The following PTPRO variants were observed in gnomAD, a reference collection of about 807,000 sequenced individuals.
PTPRO encodes the protein protein tyrosine phosphatase receptor type O, also known as receptor-type tyrosine-protein phosphatase O.
Under a neutral mutation model 145.2 loss-of-function variants are expected in PTPRO, and 62 were observed. The ratio of observed to expected loss-of-function variants is 0.43; its 90% confidence interval spans 0.35 to 0.53. PTPRO has a LOEUF of 0.53. Among genes scored for constraint, PTPRO ranks in the 20% least tolerant of loss-of-function variants. PTPRO has a pLI of 0.01. For synonymous variants in PTPRO, 565 were observed against 514.7 expected, an observed-to-expected ratio of 1.10 and a Z score of -1.32; for missense variants, 1,345 against 1,482.7, an observed-to-expected ratio of 0.91 and a Z score of 1.53.
At chr12:15,515,995 T>TG (rs1449190750) in intron 8 of PTPRO, among the ~76,000 whole-genome samples, 11 of 137,102 alleles carry the variant, frequency 8.0e-5, no homozygotes, top group African/African-American at 1.6e-4. Context: ...TTGTTTTGTT[T>TG]TTTTTTTTTT....
At chr12:15,431,266 G>A (rs555490190) in intron 1 of PTPRO, among the ~76,000 whole-genome samples, 148 of 152,300 alleles carry the variant, frequency 9.7e-4, no homozygotes, top group African/African-American at 3.1e-3. Context: ...ATGGACGTAG[G>A]TTTGAGAGAG....
At chr12:15,468,592 G>T (rs189545426) in intron 1 of PTPRO, among the ~76,000 whole-genome samples, 1 of 152,284 alleles carries the variant, frequency 6.6e-6, no homozygotes, top group East Asian at 1.9e-4. Flanking sequence ...CCTGCTAGGA[G>T]CTCCTTGATC....
intron 15 of PTPRO, among the ~76,000 whole-genome samples, chr12:15,552,385 A>G (rs779237702): frequency 1.3e-5 from 2 of 152,216 alleles, no homozygotes; most frequent in African/African-American, 4.8e-5. Flanking sequence ...GTTAACATTT[A>G]TATTTGCCCA....
intron 7 of PTPRO, among the ~76,000 whole-genome samples, chr12:15,514,794 C>T (rs1052937229): frequency 2.0e-5 from 3 of 151,700 alleles, no homozygotes; most frequent in Admixed American, 1.3e-4. Flanking sequence ...GAGCTTGTCT[C>T]ACTCTGTTGC....
intron 1 of PTPRO, among the ~76,000 whole-genome samples, chr12:15,461,108 G>A (rs1361375136): frequency 6.6e-6 from 1 of 152,088 alleles, no homozygotes; most frequent in African/African-American, 2.4e-5. Context: ...ACATTTTACA[G>A]CCCATTCTCT....
chr12:15,504,531 C>T (rs1450407797), intron 6 of PTPRO, among the ~76,000 whole-genome samples: 1 of 152,172 alleles, frequency 6.6e-6, no homozygotes, highest in Non-Finnish European at 1.5e-5. Context: ...TGGGAAAAGT[C>T]ATAGCTAGAG....
chr12:15,468,619 C>G (rs968496055), intron 1 of PTPRO, among the ~76,000 whole-genome samples: 1 of 152,194 alleles, frequency 6.6e-6, no homozygotes, highest in Non-Finnish European at 1.5e-5. Flanking sequence ...TATTTCTTAA[C>G]AATGCTTTTT....
intron 1 of PTPRO, among the ~76,000 whole-genome samples, chr12:15,473,768 C>CAAAAAAAAAAAAA (rs11340085): frequency 9.2e-5 from 6 of 65,570 alleles, no homozygotes; most frequent in African/African-American, 3.0e-4. Flanking sequence ...GACTCCATCT[C>CAAAAAAAAAAAAA]AAAAAAAAAA....
At chr12:15,403,969 G>A (rs897210676) in intron 1 of PTPRO, among the ~76,000 whole-genome samples, 5 of 151,798 alleles carry the variant, frequency 3.3e-5, no homozygotes, top group Non-Finnish European at 4.4e-5. Context: ...AGGCCAAGGC[G>A]GGCAGATCAG....
At chr12:15,552,255 G>A (rs1182151598) in intron 15 of PTPRO, among the ~76,000 whole-genome samples, 5 of 152,178 alleles carry the variant, frequency 3.3e-5, no homozygotes, top group Admixed American at 3.3e-4. Flanking sequence ...GACCACTGAT[G>A]CATTGCTCAT....
At chr12:15,403,809 A>G (rs1031218328) in intron 1 of PTPRO, among the ~76,000 whole-genome samples, 13 of 150,912 alleles carry the variant, frequency 8.6e-5, no homozygotes, top group Non-Finnish European at 1.8e-4. Context: ...CTAATCACCG[A>G]ACATAGAATA....
chr12:15,533,986 A>G (rs941956085), intron 12 of PTPRO, among the ~76,000 whole-genome samples: 102 of 152,172 alleles, frequency 6.7e-4, no homozygotes, highest in Non-Finnish European at 2.4e-4. Context: ...CTAATGTGTC[A>G]TGTGCAAGGG....
rs144862328 is a variant in PTPRO, at chr12:15,515,584, T to G, written c.1551T>G (p.Ile517Met). The change falls in exon 8 of 27, where the codon ATT becomes ATG. Residue 517 changes from isoleucine (I) to methionine (M), a missense_variant. Physicochemically the swap from Ile to Met is conservative, Grantham distance 10 (BLOSUM62 1). Transcript: ENST00000281171. ...VVIYLRKGPL[I>M]GPPSDPVTFA... Reference sequence around the variant, plus strand: ...TATACCTAAGGAAAGGCCCTTTGATTGGACCACCTTCAGATCCTGTGACAT... The same window carrying G: ...TATACCTAAGGAAAGGCCCTTTGATGGGACCACCTTCAGATCCTGTGACAT... The G allele has an allele frequency of 1.9e-5, 31 of 1,613,962 alleles. No individual in the cohort carries two copies. The African/African-American group carries it at 4.1e-4, about 22-fold the overall frequency.
At chr12:15,573,729 A>G (rs949932662) in intron 19 of PTPRO, among the ~76,000 whole-genome samples, 1 of 152,182 alleles carries the variant, frequency 6.6e-6, no homozygotes, top group African/African-American at 2.4e-5. Flanking sequence ...GACAGACTTC[A>G]GATATTACCA....
chr12:15,327,901 G>T (rs557201308), intron 1 of PTPRO, among the ~76,000 whole-genome samples: 9 of 152,034 alleles, frequency 5.9e-5, no homozygotes, highest in Non-Finnish European at 1.2e-4. Flanking sequence ...ATCACCTGAG[G>T]TCAGGAATTC....
At chr12:15,521,166 G>A (rs2136515881) in intron 10 of PTPRO, among the ~76,000 whole-genome samples, 1 of 151,898 alleles carries the variant, frequency 6.6e-6, no homozygotes, top group South Asian at 2.1e-4. Context: ...CCGCTTAGAG[G>A]AATAATTTTG....
intron 12 of PTPRO, chr12:15,546,304 A>G: frequency 7.9e-7 from 1 of 1,267,876 alleles, no homozygotes; most frequent in Non-Finnish European, 1.0e-6. Flanking sequence ...TTAATAGATT[A>G]TGACTATGAT....
At chr12:15,448,151 T>A (rs1349806696) in intron 1 of PTPRO, among the ~76,000 whole-genome samples, 1 of 151,816 alleles carries the variant, frequency 6.6e-6, no homozygotes, top group Non-Finnish European at 1.5e-5. Context: ...CTATAAGATA[T>A]CAAAATGCCA....
intron 1 of PTPRO, among the ~76,000 whole-genome samples, chr12:15,463,653 C>T (rs73307806): frequency 0.013 from 2,020 of 152,206 alleles, 55 homozygotes; most frequent in African/African-American, 0.047. Flanking sequence ...AATTTACAAG[C>T]TTTCTTCATT....
Sources: allele counts gnomAD v4.1 joint callset (sites outside exome capture counted in the v4.1 genomes callset), GRCh38; gene constraint gnomAD v4.1.1; transcripts MANE v1.5; gene names NCBI Gene and HGNC (gene_info 2026-07-23, HGNC 2026-07-21).